JMJD1C: variants seen among roughly 807,000 people sequenced by gnomAD.
The protein encoded by JMJD1C is jumonji domain-containing protein 1C.
Under a neutral mutation model 245.3 loss-of-function variants are expected in JMJD1C, and 31 were observed. The ratio of observed to expected loss-of-function variants is 0.13; its 90% CI spans 0.09 to 0.17. The LOEUF (loss-of-function observed/expected upper bound fraction) is 0.17, where lower values mean the gene tolerates loss of function less well. Among genes scored for constraint, JMJD1C ranks in the 10% least tolerant of loss-of-function variants. JMJD1C has a pLI of 1.00. For missense variants in JMJD1C, 2,691 were observed against 3,000.2 expected (o/e 0.90, Z 2.41); for synonymous variants, 1,057 against 1,017.4 (o/e 1.04, Z -0.74).
At chr10:63,365,561 G>A in intron 2 of JMJD1C, among the ~76,000 whole-genome samples, 1 of 152,096 alleles carries the variant, frequency 6.6e-6, no homozygotes, top group East Asian at 1.9e-4. Flanking sequence ...ACGAGGTCAG[G>A]AGTTCAAGAT....
At chr10:63,404,484 A>G (rs974447770) in intron 1 of JMJD1C, among the ~76,000 whole-genome samples, 3 of 151,930 alleles carry the variant, frequency 2.0e-5, no homozygotes, top group Admixed American at 6.6e-5. Flanking sequence ...ACTCCGGGGG[A>G]TCCTTGTGCC....
intron 2 of JMJD1C, among the ~76,000 whole-genome samples, chr10:63,304,076 ACTTTGCC>A (rs74506613): frequency 0.38 from 58,106 of 151,776 alleles, 11,434 homozygotes; most frequent in South Asian, 0.5. Context: ...CTGAGCAAGG[ACTTTGCC>A]TTACTTATCT....
chr10:63,332,893 C>A (rs551223770), intron 2 of JMJD1C, among the ~76,000 whole-genome samples: 2 of 152,102 alleles, frequency 1.3e-5, no homozygotes, highest in Admixed American at 6.6e-5. Flanking sequence ...GGCTTAGATT[C>A]ATTGTTTCTA....
rs1564583496 is a variant in JMJD1C, at chr10:63,194,295, G to T, written c.5725C>A (p.Pro1909Thr). ...HKHLMPTQIIPGSVLTDLLDA... is the reference protein window; with the variant it reads ...HKHLMPTQIITGSVLTDLLDA... The stretch of plus-strand genomic sequence containing the variant: ...AAGAAGATATACTTACCAGAACCAG[G>T]TATAATTTGGGTTGGCATTAAATGT... Residue 1909 changes from proline (P) to threonine (T), a missense_variant, in exon 14 of 26, where the codon CCT (proline) becomes ACT (threonine). By Grantham distance (38) the Pro-to-Thr change is conservative. Around this residue, in one of 9 missense-constraint regions of JMJD1C, gnomAD observed 139 missense variants for 270.5 expected, o/e 0.51. Coordinates refer to ENST00000399262, the MANE Select transcript of JMJD1C (RefSeq NM_032776.3). 1 of 1,604,920 alleles carries T rather than the reference G, an allele frequency of 6.2e-7. No homozygotes were observed.
intron 2 of JMJD1C, among the ~76,000 whole-genome samples, chr10:63,325,979 A>C (rs961238914): frequency 2.0e-5 from 3 of 152,218 alleles, no homozygotes; most frequent in African/African-American, 7.2e-5. Context: ...GAATTATAAA[A>C]AATTATTTTA....
At chr10:63,331,544 T>C (rs1942144743) in intron 2 of JMJD1C, among the ~76,000 whole-genome samples, 1 of 152,208 alleles carries the variant, frequency 6.6e-6, no homozygotes, top group African/African-American at 2.4e-5. Flanking sequence ...TACACAAAAC[T>C]GTTCGCCTCC....
intron 4 of JMJD1C, 86 bp from the exon 5 acceptor site, chr10:63,217,417 G>A: frequency 1.9e-6 from 2 of 1,028,280 alleles, no homozygotes; most frequent in Non-Finnish European, 2.8e-6. Flanking sequence ...ATGAGCTAGT[G>A]TATAATAGTA....
At chr10:63,343,430 T>C (rs773043414) in intron 2 of JMJD1C, among the ~76,000 whole-genome samples, 6 of 151,394 alleles carry the variant, frequency 4.0e-5, no homozygotes, top group Non-Finnish European at 8.8e-5. Context: ...ATGAAGTACA[T>C]ATAGCCTAGG....
At chr10:63,407,820 CAA>C (rs35231206) in intron 1 of JMJD1C, among the ~76,000 whole-genome samples, 8 of 124,570 alleles carry the variant, frequency 6.4e-5, no homozygotes, top group South Asian at 2.4e-4. Context: ...GAGAAACAAA[CAA>C]AAAAAAAAAC....
intron 1 of JMJD1C, among the ~76,000 whole-genome samples, chr10:63,514,581 T>A (rs1160770096): frequency 6.6e-6 from 1 of 151,744 alleles, no homozygotes; most frequent in African/African-American, 2.4e-5. Context: ...AAACACTGGG[T>A]ACTCACTGAC....
At chr10:63,327,948 G>A (rs973518807) in intron 2 of JMJD1C, among the ~76,000 whole-genome samples, 2 of 152,026 alleles carry the variant, frequency 1.3e-5, no homozygotes, top group African/African-American at 2.4e-5. Context: ...GGGATTACAG[G>A]TGTGAGCCAC....
At chr10:63,347,757 A>T (rs1943980682) in intron 2 of JMJD1C, among the ~76,000 whole-genome samples, 2 of 151,824 alleles carry the variant, frequency 1.3e-5, no homozygotes, top group South Asian at 4.2e-4. Context: ...CCTACTAAAA[A>T]TACAAAAATC....
chr10:63,429,146 A>G (rs534529818), intron 1 of JMJD1C, among the ~76,000 whole-genome samples: 1 of 152,128 alleles, frequency 6.6e-6, no homozygotes, highest in East Asian at 1.9e-4. Context: ...ACACCTGCCT[A>G]ATTTTATATT....
At chr10:63,348,658 T>C (rs1014184165) in intron 2 of JMJD1C, among the ~76,000 whole-genome samples, 2 of 152,178 alleles carry the variant, frequency 1.3e-5, no homozygotes, top group Non-Finnish European at 2.9e-5. Flanking sequence ...GTCTGTCCTC[T>C]CCAAATCTCA....
intron 3 of JMJD1C, among the ~76,000 whole-genome samples, chr10:63,247,113 AAAAC>A (rs1166210403): frequency 9.3e-5 from 14 of 150,538 alleles, no homozygotes; most frequent in Non-Finnish European, 1.9e-4. Context: ...AAAAAAAACA[AAAAC>A]AAAAACAAAA....
intron 2 of JMJD1C, among the ~76,000 whole-genome samples, chr10:63,309,758 A>C (rs1224040690): frequency 2.0e-5 from 3 of 151,966 alleles, no homozygotes; most frequent in African/African-American, 7.3e-5. Flanking sequence ...CTCTACTAAA[A>C]ATTCAAAAAT....
At chr10:63,337,592 A>T (rs1057358682) in intron 2 of JMJD1C, among the ~76,000 whole-genome samples, 2 of 111,118 alleles carry the variant, frequency 1.8e-5, no homozygotes, top group African/African-American at 1.1e-4. Context: ...AGAAAAGAAA[A>T]GAAAAGAAAA....
intron 1 of JMJD1C, among the ~76,000 whole-genome samples, chr10:63,409,504 T>C (rs1233306605): frequency 6.6e-6 from 1 of 152,296 alleles, no homozygotes; most frequent in East Asian, 1.9e-4. Context: ...AATTGGTATC[T>C]AGTAAAAACT....
chr10:63,521,478 G>A (rs1955237427), intron 1 of JMJD1C: 5 of 1,141,144 alleles, frequency 4.4e-6, no homozygotes, highest in African/African-American at 3.3e-5. Flanking sequence ...GCGGCCTGCC[G>A]TTGGCGGCCT....
Sources: gnomAD v4.1 joint callset for allele counts (sites outside exome capture counted in the v4.1 genomes callset) on GRCh38, gnomAD v4.1.1 for gene constraint, gnomAD v4.1.1 regional missense constraint, MANE v1.5 for transcripts, NCBI Gene and HGNC (gene_info 2026-07-23, HGNC 2026-07-21) for gene names.